The following SPATA22 variants were observed in gnomAD, a reference collection of about 807,000 sequenced individuals.
SPATA22 encodes the protein spermatogenesis-associated protein 22.
Under a neutral mutation model 47.8 loss-of-function variants are expected in SPATA22, and 29 were observed. That is an observed-to-expected ratio of 0.61 (90% CI 0.45 to 0.83). The LOEUF (loss-of-function observed/expected upper bound fraction) is 0.83. SPATA22 is among the 40% of genes least tolerant of loss of function. The pLI, the probability that SPATA22 is intolerant of heterozygous loss-of-function variation, is 0.00. For synonymous variants in SPATA22, 133 were observed against 140.9 expected (o/e 0.94, Z 0.40); for missense variants, 410 against 421.7 (o/e 0.97, Z 0.24).
intron 7 of SPATA22, 73 bp downstream of exon 7, chr17:3,446,399 A>T: frequency 6.9e-7 from 1 of 1,448,156 alleles, no homozygotes; most frequent in Admixed American, 2.5e-5. Context: ...TTTGGAAGAA[A>T]AAGGACTAAT....
upstream of SPATA22, chr17:3,472,252 G>T (rs1393012371): frequency 6.6e-6 from 1 of 152,400 alleles, no homozygotes; most frequent in Non-Finnish European, 1.5e-5. Flanking sequence ...GGAGGCTGGG[G>T]ACAGAGCTGA....
chr17:3,512,881 CTGAGGT>C (rs1314841968), intron 1 of SPATA22: 1 of 152,202 alleles, frequency 6.6e-6, no homozygotes, highest in African/African-American at 2.4e-5. Flanking sequence ...CTGAGACATA[CTGAGGT>C]ATGCGACTAA....
chr17:3,507,469 C>T (rs781498254), intron 1 of SPATA22, among the ~76,000 whole-genome samples: 24 of 152,216 alleles, frequency 1.6e-4, no homozygotes, highest in Non-Finnish European at 3.4e-4. Flanking sequence ...TCTAAATCTT[C>T]ACACATAGTA....
At chr17:3,455,017 T>G (rs957941057) in intron 5 of SPATA22, among the ~76,000 whole-genome samples, 4 of 152,036 alleles carry the variant, frequency 2.6e-5, no homozygotes, top group African/African-American at 9.7e-5. Context: ...TGGTATCTCA[T>G]TGTGGTTTTG....
At chr17:3,441,354 C>G (rs1447598783) in intron 8 of SPATA22, 1 of 151,760 alleles carries the variant, frequency 6.6e-6, no homozygotes, top group Non-Finnish European at 1.5e-5. Context: ...GAGAAGAAAA[C>G]AGCAAGATGC....
intron 5 of SPATA22, among the ~76,000 whole-genome samples, chr17:3,460,847 C>A (rs953795701): frequency 6.7e-6 from 1 of 149,540 alleles, no homozygotes; most frequent in African/African-American, 2.5e-5. Flanking sequence ...CATATCACCT[C>A]AACTCCTCAA....
At position 3,448,998 on chromosome 17, in the gene SPATA22, G is replaced by A; in HGVS notation, c.481C>T (p.Pro161Ser). 2.5e-6 allele frequency: 4 copies of A among 1,613,934 alleles called. No homozygotes were observed. Among genetic ancestry groups the A allele is most frequent in the Non-Finnish European group, 3.4e-6 (4 of 1,179,932 alleles). Reference sequence around the variant, plus strand: ...TTGCGAGATAAGTTAGGAGGTTCAGGTATTCTTAATTGTTTTTGTTGTTGA... The same window carrying A: ...TTGCGAGATAAGTTAGGAGGTTCAGATATTCTTAATTGTTTTTGTTGTTGA... ...GAQQQKQLRI[P>S]EPPNLSRNKE... Residue 161 changes from proline to serine, a missense_variant, in exon 6 of 9, where the codon CCT becomes TCT. Physicochemically the swap from Pro to Ser is moderately conservative, Grantham distance 74. Transcript: ENST00000572969.
chr17:3,469,468 T>C (rs963887489), intron 1 of SPATA22, 70 bp from the exon 2 acceptor site: 2 of 613,014 alleles, frequency 3.3e-6, no homozygotes, highest in African/African-American at 1.9e-5. Context: ...CAGTGATTAC[T>C]GAAATTATGG....
Position 3,486,255 on chromosome 17 carries a change from G to T in SPATA22, c.-73-16857C>A, listed in dbSNP as rs180687904. 1.2e-4 allele frequency among the ~76,000 whole-genome samples: 18 copies of T among 152,258 alleles called. No individual in the cohort carries two copies. The East Asian group carries it at 3.5e-3, about 29-fold the overall frequency. ...GGCTGTGAACCTTCATTTTTATAAT[G>T]GGCAGTAGGCACGAGTGCCCTTTGC... is the stretch of plus-strand genomic sequence containing the variant. On this transcript the variant is annotated intron_variant, in intron 1 of 8. Coordinates refer to the SPATA22 transcript ENST00000541913.
At chr17:3,473,254 T>G (rs1363264600), upstream of SPATA22, among the ~76,000 whole-genome samples, 2 of 152,322 alleles carry the variant, frequency 1.3e-5, no homozygotes, top group East Asian at 1.9e-4. Flanking sequence ...ACCTGGAAAG[T>G]TGGTCAGGAT....
At chr17:3,448,216 G>T (rs2072771986) in intron 6 of SPATA22, among the ~76,000 whole-genome samples, 1 of 152,192 alleles carries the variant, frequency 6.6e-6, no homozygotes, top group African/African-American at 2.4e-5. Flanking sequence ...ACTAGGACAA[G>T]ATCATAAAGC....
chr17:3,487,040 T>TTGTG (rs139476666), intron 1 of SPATA22, among the ~76,000 whole-genome samples: 1 of 148,832 alleles, frequency 6.7e-6, no homozygotes, highest in Non-Finnish European at 1.5e-5. Flanking sequence ...TTTCCCATAT[T>TTGTG]TGTGTGTGTG....
chr17:3,465,787 A>T (rs2073291320), intron 3 of SPATA22, among the ~76,000 whole-genome samples: 1 of 128,430 alleles, frequency 7.8e-6, no homozygotes, highest in Non-Finnish European at 1.8e-5. Flanking sequence ...AAAAATAAAA[A>T]TTTAAAAAAC....
At chr17:3,455,420 T>C (rs2072965120) in intron 5 of SPATA22, among the ~76,000 whole-genome samples, 2 of 150,762 alleles carry the variant, frequency 1.3e-5, no homozygotes, top group Admixed American at 6.6e-5. Flanking sequence ...AGGGTTTTTA[T>C]GGTTTTAGGT....
chr17:3,487,320 T>C (rs1028539905), intron 1 of SPATA22, among the ~76,000 whole-genome samples: 1 of 152,204 alleles, frequency 6.6e-6, no homozygotes, highest in African/African-American at 2.4e-5. Context: ...GAGTGCATGA[T>C]ATAAAATATT....
chr17:3,475,124 C>T (rs1243807453), upstream of SPATA22, among the ~76,000 whole-genome samples: 2 of 152,110 alleles, frequency 1.3e-5, no homozygotes, highest in African/African-American at 2.4e-5. Flanking sequence ...CATGGTATTC[C>T]CAGTACTTGA....
intron 1 of SPATA22, among the ~76,000 whole-genome samples, chr17:3,479,883 G>A (rs564300897): frequency 1.1e-4 from 16 of 147,956 alleles, no homozygotes; most frequent in Admixed American, 8.8e-4. Flanking sequence ...AAAAGTAAAT[G>A]AAAAACATTA....
chr17:3,511,662 G>A (rs2150774013), intron 1 of SPATA22: 1 of 152,342 alleles, frequency 6.6e-6, no homozygotes, highest in Non-Finnish European at 1.5e-5. Context: ...CCCACAGACA[G>A]CAGATCACCA....
At chr17:3,449,216 T>G in intron 5 of SPATA22, 67 bp from the exon 6 acceptor site, 1 of 1,195,464 alleles carries the variant, frequency 8.4e-7, no homozygotes, top group Admixed American at 2.7e-5. Context: ...AAATTAATAA[T>G]GAAAAATTCA....
Sources: gnomAD v4.1 joint callset for allele counts (sites outside exome capture counted in the v4.1 genomes callset) on GRCh38, gnomAD v4.1.1 for gene constraint, MANE v1.5 for transcripts, NCBI Gene and HGNC (gene_info 2026-07-23, HGNC 2026-07-21) for gene names.